The following TNFAIP8L3 variants were observed in gnomAD, a reference collection of about 807,000 sequenced individuals.
TNFAIP8L3 encodes TNF alpha induced protein 8 like 3.
In TNFAIP8L3, 7 loss-of-function variants were observed where a neutral mutation model predicts 11.8. The ratio of observed to expected loss-of-function variants is 0.59; its 90% CI spans 0.34 to 1.11. The LOEUF is 1.11. Ranked by LOEUF, TNFAIP8L3 falls within the 50% of genes most tolerant of loss-of-function variation. TNFAIP8L3 has a pLI of 0.03. For synonymous variants in TNFAIP8L3, 98 were observed against 103.8 expected, an observed-to-expected ratio of 0.94 and a Z score of 0.34; for missense variants, 219 against 258.6, an observed-to-expected ratio of 0.85 and a Z score of 1.05.
In TNFAIP8L3 at chr15:51,094,626, C is replaced by T. The variant is rs781242273; in HGVS notation, c.-31G>A. 10 of 1,445,860 alleles carry T rather than the reference C, an allele frequency of 6.9e-6. No individual in the cohort carries two copies. The highest frequency in any genetic ancestry group is 9.1e-6 in the Non-Finnish European group (10 of 1,100,576). The allele number at this position is 1,445,860 out of a possible 1,614,324, so 89.6% of individuals were successfully genotyped here. On this transcript the variant is annotated 5_prime_UTR_variant, in exon 1 of 2. Transcript: ENST00000637513. This position sits in a 1 kb window ranked among gnomAD's most constrained non-coding sequence, Gnocchi z 4.4. ...GGGCTGCTGGCTGGGCGTCCACGGC[C>T]ACCCGCCCGTCTGCGGGGCGCTCGG...
chr15:51,096,082 A>G (rs989362022), upstream of TNFAIP8L3, among the ~76,000 whole-genome samples: 21 of 152,320 alleles, frequency 1.4e-4, no homozygotes, highest in African/African-American at 5.1e-4. Context: ...AGTCTCAGAG[A>G]CAGCAGATGA....
rs149934297 is a variant in TNFAIP8L3 at position 51,105,102 on chromosome 15, C to G, written c.75G>C (p.Trp25Cys). 85 of 1,614,172 alleles carry G rather than the reference C, an allele frequency of 5.3e-5. No homozygotes were observed. In the African/African-American group the frequency reaches 1.1e-3, roughly 20 times the overall value. The change falls in exon 1 of 3, where the codon TGG becomes TGC. Residue 25 changes from tryptophan (W) to cysteine (C), a missense_variant. Transcript: ENST00000327536. ...CTTGGGTCCCTGCATATCCGTTGAC[C>G]CACAGTTTCCCCTTTGGCTCTGCCT...
intron 1 of TNFAIP8L3, 112 bp from the exon 2 acceptor site, chr15:51,058,555 G>A (rs1306221936): frequency 3.0e-6 from 3 of 998,236 alleles, no homozygotes; most frequent in South Asian, 3.8e-5. Context: ...AAAAACTCAT[G>A]TCTTTATATT....
chr15:51,071,461 C>T (rs1468901648), intron 1 of TNFAIP8L3, among the ~76,000 whole-genome samples: 1 of 152,084 alleles, frequency 6.6e-6, no homozygotes, highest in Non-Finnish European at 1.5e-5. Context: ...TGTCTCATTT[C>T]ATAAGTATGC....
At chr15:51,076,022 T>G (rs1331224175) in intron 1 of TNFAIP8L3, among the ~76,000 whole-genome samples, 1 of 152,234 alleles carries the variant, frequency 6.6e-6, no homozygotes, top group East Asian at 1.9e-4. Context: ...CTTGATTTTT[T>G]TTTTAGTGAA....
chr15:51,095,108 G>GGTTCCGAGT (rs1456357875), upstream of TNFAIP8L3, among the ~76,000 whole-genome samples: 6 of 152,196 alleles, frequency 3.9e-5, no homozygotes, highest in Non-Finnish European at 7.4e-5. Flanking sequence ...GGAAAGGAGA[G>GGTTCCGAGT]GTTCCGAGTG....
intron 1 of TNFAIP8L3, among the ~76,000 whole-genome samples, chr15:51,104,423 A>G (rs2065574958): frequency 6.6e-6 from 1 of 152,140 alleles, no homozygotes; most frequent in Non-Finnish European, 1.5e-5. Flanking sequence ...AGTCCTGAAT[A>G]TACACCAAAA....
chr15:51,063,974 T>C (rs2065254916), intron 1 of TNFAIP8L3, among the ~76,000 whole-genome samples: 3 of 152,232 alleles, frequency 2.0e-5, no homozygotes, highest in South Asian at 4.1e-4. Flanking sequence ...GCCATCTATC[T>C]TGTATAAGAA....
At chr15:51,096,864 CT>C (rs1222254869), upstream of TNFAIP8L3, among the ~76,000 whole-genome samples, 1 of 142,178 alleles carries the variant, frequency 7.0e-6, no homozygotes, top group Non-Finnish European at 1.5e-5. Context: ...GCACTCCAGC[CT>C]GGGCAACAAG....
In TNFAIP8L3 at chr15:51,057,800, G is replaced by T; in HGVS notation, c.*81C>A. 2.4e-6 allele frequency: 3 copies of T among 1,233,686 alleles called. No homozygotes were observed. Among genetic ancestry groups the T allele is most frequent in the Non-Finnish European group, 2.3e-6 (2 of 882,486 alleles). The allele number at this position is 1,233,686 out of a possible 1,614,324, so 76.4% of individuals were successfully genotyped here. ...ATGGACATCTTTGACAAGGGTTTCT[G>T]CTTATGTTCTTGATTCTCACCCAGA... On this transcript the variant is annotated 3_prime_UTR_variant, in exon 2 of 2. Transcript: ENST00000637513.
chr15:51,073,155 C>A (rs887631408), intron 1 of TNFAIP8L3, among the ~76,000 whole-genome samples: 1 of 152,032 alleles, frequency 6.6e-6, no homozygotes, highest in African/African-American at 2.4e-5. Context: ...CGCCACCATG[C>A]CTGGCTAATT....
chr15:51,081,331 G>A lies in TNFAIP8L3; in HGVS notation c.52+13213C>T, dbSNP rs1045013908. The stretch of plus-strand genomic sequence containing the variant: ...TGTGGACAAGATGGGTAGGGCCCAT[G>A]GGGGGCCCAGCTTTTCTGGAAGTTT... On this transcript the variant is annotated intron_variant, in intron 1 of 1. Transcript: ENST00000637513. 4.0e-5 allele frequency among the ~76,000 whole-genome samples: 6 copies of A among 151,410 alleles called. No individual in the cohort carries two copies. The Middle Eastern group carries it at 0.01, about 258-fold the overall frequency.
Position 51,056,706 on chromosome 15 carries a change from C to G in TNFAIP8L3, c.*1175G>C. The G allele has an allele frequency of 6.6e-6, 1 of 151,998 alleles. No homozygotes were observed. The highest frequency in any genetic ancestry group is 6.6e-5 in the Admixed American group (1 of 15,260). 9.4% of individuals were successfully genotyped at this position (151,998 alleles called of 1,614,324 possible). ...GTTCATTCTGCCTGATTCTCCCGTG[C>G]ATATGGAATAAAGCCTCCCTGAGCT... is the stretch of plus-strand genomic sequence containing the variant. On this transcript the variant is annotated 3_prime_UTR_variant, in exon 2 of 2. Transcript: ENST00000637513.
intron 1 of TNFAIP8L3, among the ~76,000 whole-genome samples, chr15:51,103,349 A>G (rs2065567098): frequency 1.3e-5 from 2 of 152,210 alleles, no homozygotes; most frequent in African/African-American, 2.4e-5. Flanking sequence ...TAACACCTCA[A>G]ACATTATTGC....
chr15:51,072,989 C>CTTTTTTTT lies in TNFAIP8L3; in HGVS notation c.53-14547_53-14546insAAAAAAAA, dbSNP rs2065321403. Among the ~76,000 whole-genome samples, 5 of 45,752 alleles carry CTTTTTTTT rather than the reference C, an allele frequency of 1.1e-4. 2 individuals are homozygous for CTTTTTTTT. Among genetic ancestry groups the CTTTTTTTT allele is most frequent in the Non-Finnish European group, 3.8e-5 (1 of 26,018 alleles). The allele number at this position is 45,752 out of a possible 152,430, so 30.0% of individuals were successfully genotyped here. A position where few individuals can be genotyped will look rare whatever the true frequency, so the allele number is the denominator to read the frequency against. The stretch of plus-strand genomic sequence containing the variant: ...ATGTTGATCTGAAGTAAACTGGGAT[C>CTTTTTTTT]CTTTTTTTTTTTTTTTTTTTTTTTG... On this transcript the variant is annotated intron_variant, in intron 1 of 1. Transcript: ENST00000637513.
intron 1 of TNFAIP8L3, among the ~76,000 whole-genome samples, chr15:51,075,520 C>T (rs1054799457): frequency 6.6e-6 from 1 of 152,188 alleles, no homozygotes; most frequent in Non-Finnish European, 1.5e-5. Flanking sequence ...GCAATCCTCT[C>T]TCTCTCTGCT....
chr15:51,098,874 A>T (rs2065531049), upstream of TNFAIP8L3, among the ~76,000 whole-genome samples: 1 of 152,200 alleles, frequency 6.6e-6, no homozygotes, highest in Admixed American at 6.5e-5. Flanking sequence ...GGATGAGTAT[A>T]CCATATGTAT....
chr15:51,068,940 C>T (rs2065290363), intron 1 of TNFAIP8L3, among the ~76,000 whole-genome samples: 1 of 152,176 alleles, frequency 6.6e-6, no homozygotes, highest in South Asian at 2.1e-4. Context: ...GCTGGGATTA[C>T]AGGGGTGAGC....
intron 1 of TNFAIP8L3, among the ~76,000 whole-genome samples, chr15:51,078,084 TC>T (rs2065367557): frequency 6.6e-6 from 1 of 151,912 alleles, no homozygotes; most frequent in South Asian, 2.1e-4. Context: ...CATTTAAACC[TC>T]AAAAAATAAA....
Sources: allele counts gnomAD v4.1 joint callset (sites outside exome capture counted in the v4.1 genomes callset), GRCh38; gene constraint gnomAD v4.1.1; non-coding constraint Gnocchi (gnomAD v3.1); transcripts MANE v1.5; gene names NCBI Gene and HGNC (gene_info 2026-07-23, HGNC 2026-07-21).